DIS3L2: variants seen among roughly 807,000 people sequenced by gnomAD.
The protein encoded by DIS3L2 is DIS3-like exonuclease 2.
In DIS3L2, 34 loss-of-function variants were observed where a neutral mutation model predicts 97.5. The observed-to-expected ratio is 0.35, with a 90% confidence interval of 0.27 to 0.46. The LOEUF is 0.46. Among genes scored for constraint, DIS3L2 ranks in the 20% least tolerant of loss-of-function variants. DIS3L2 has a pLI of 1.00. For missense variants in DIS3L2, 1,038 were observed against 1,146.0 expected (o/e 0.91, Z 1.36); for synonymous variants, 435 against 445.2 (o/e 0.98, Z 0.29).
intron 5 of DIS3L2, among the ~76,000 whole-genome samples, chr2:232,050,924 G>A (rs1695382480): frequency 6.6e-6 from 1 of 152,210 alleles, no homozygotes; most frequent in South Asian, 2.1e-4. Context: ...CAATGGCTCT[G>A]CCTAAGGGAA....
chr2:232,039,212 C>T (rs990914071), intron 5 of DIS3L2, among the ~76,000 whole-genome samples: 8 of 152,282 alleles, frequency 5.3e-5, no homozygotes, highest in African/African-American at 1.9e-4. Flanking sequence ...CTTAGCCCAC[C>T]TGTGATAGTT....
intron 20 of DIS3L2, 199 bp downstream of exon 20, chr2:232,336,073 G>T: frequency 1.3e-6 from 2 of 1,537,412 alleles, no homozygotes; most frequent in South Asian, 1.2e-5. Flanking sequence ...CCCTTCCTTG[G>T]GGGCAACCAC....
chr2:232,317,854 A>C (rs1278065547), intron 14 of DIS3L2, among the ~76,000 whole-genome samples: 1 of 152,240 alleles, frequency 6.6e-6, no homozygotes. Context: ...ATAGTTAACA[A>C]TAGGTCAGAG....
At chr2:232,330,846 G>A (rs1452668199) in intron 16 of DIS3L2, 70 bp downstream of exon 16, 7 of 1,461,884 alleles carry the variant, frequency 4.8e-6, no homozygotes, top group Admixed American at 1.7e-5. Context: ...TGACCTCCAC[G>A]TGCAAGCACA....
At chr2:232,208,819 G>A (rs1692105099) in intron 9 of DIS3L2, among the ~76,000 whole-genome samples, 1 of 152,026 alleles carries the variant, frequency 6.6e-6, no homozygotes, top group African/African-American at 2.4e-5. Context: ...CTTGAAGCCA[G>A]GAGTTTGAGA....
intron 1 of DIS3L2, among the ~76,000 whole-genome samples, chr2:231,969,952 T>C (rs1348899880): frequency 6.7e-6 from 1 of 149,114 alleles, no homozygotes; most frequent in Non-Finnish European, 1.5e-5. Context: ...GATCATATGA[T>C]TTTTTTTTTT....
intron 14 of DIS3L2, among the ~76,000 whole-genome samples, chr2:232,310,013 T>G (rs1165768295): frequency 6.6e-6 from 1 of 152,166 alleles, no homozygotes; most frequent in Non-Finnish European, 1.5e-5. Flanking sequence ...TCTGACAACT[T>G]CAAACCAGCA....
chr2:232,309,912 G>T (rs114809542), intron 14 of DIS3L2, among the ~76,000 whole-genome samples: 12 of 152,336 alleles, frequency 7.9e-5, no homozygotes, highest in African/African-American at 2.9e-4. Context: ...GGGTGTTCCT[G>T]GATGAAGTCC....
At chr2:232,176,224 A>G (rs1691147722) in intron 9 of DIS3L2, among the ~76,000 whole-genome samples, 1 of 152,166 alleles carries the variant, frequency 6.6e-6, no homozygotes, top group Non-Finnish European at 1.5e-5. Flanking sequence ...CATCTTGGTT[A>G]TCTAATTTCT....
intron 12 of DIS3L2, among the ~76,000 whole-genome samples, chr2:232,258,818 T>A (rs1478745866): frequency 6.6e-6 from 1 of 152,184 alleles, no homozygotes; most frequent in African/African-American, 2.4e-5. Context: ...CTGCCTTACA[T>A]ACTGTGAGGT....
At position 232,144,790 on chromosome 2, in the gene DIS3L2, G is replaced by A. The variant is rs115420761; in HGVS notation, c.950+8071G>A. ...TTCTTACTCTTTACTTGTCCTTCAC[G>A]AACTTTACACTTTTAAAGAGTACTG... is the stretch of plus-strand genomic sequence containing the variant. On this transcript the variant is annotated intron_variant, in intron 8 of 20. Transcript: ENST00000325385. Among the ~76,000 whole-genome samples the A allele has an allele frequency of 2.9e-3, 442 of 152,166 alleles. 1 individual carries two copies. Among genetic ancestry groups the A allele is most frequent in the Non-Finnish European group, 4.9e-3 (330 of 67,988 alleles).
intron 1 of DIS3L2, among the ~76,000 whole-genome samples, chr2:232,001,557 C>CTTTTTTTTTTTTTTTTTTTTTTTTTTTT (rs57766848): frequency 1.6e-5 from 1 of 61,920 alleles, no homozygotes; most frequent in African/African-American, 8.7e-5. Context: ...TGCCATTTGT[C>CTTTTTTTTTTTTTTTTTTTTTTTTTTTT]TTTTTTTTTT....
intron 5 of DIS3L2, among the ~76,000 whole-genome samples, chr2:232,033,258 G>T (rs189380179): frequency 1.3e-5 from 2 of 151,738 alleles, no homozygotes; most frequent in African/African-American, 4.8e-5. Context: ...ATGGGAGTTT[G>T]CTCATGATTT....
intron 9 of DIS3L2, among the ~76,000 whole-genome samples, chr2:232,187,197 A>G (rs901088126): frequency 6.2e-4 from 95 of 152,284 alleles, no homozygotes; most frequent in African/African-American, 2.2e-3. Context: ...AATCAAAACC[A>G]CAATGAGATA....
exon 14 of DIS3L2, chr2:232,343,772 G>A: frequency 1.7e-6 from 1 of 591,390 alleles, no homozygotes; most frequent in Non-Finnish European, 3.0e-6. Context: ...CAGCCTTGCA[G>A]AGGTTTGCAG....
intron 13 of DIS3L2, among the ~76,000 whole-genome samples, chr2:232,285,710 C>T (rs1694410694): frequency 6.6e-6 from 1 of 152,182 alleles, no homozygotes. Context: ...AGGTCAGTTA[C>T]TTAACCTCCC....
chr2:232,159,133 A>T (rs1690579794), intron 8 of DIS3L2, among the ~76,000 whole-genome samples: 1 of 152,172 alleles, frequency 6.6e-6, no homozygotes. Flanking sequence ...TGGGAAAGGA[A>T]TTTATTGGGA....
chr2:232,033,313 A>G (rs1339196432), intron 5 of DIS3L2, among the ~76,000 whole-genome samples: 2 of 152,196 alleles, frequency 1.3e-5, no homozygotes, highest in Admixed American at 6.5e-5. Context: ...ATTTTTGCAC[A>G]TTAATTTTGT....
At chr2:232,093,427 TCTC>T (rs768776919) in intron 6 of DIS3L2, among the ~76,000 whole-genome samples, 12 of 152,140 alleles carry the variant, frequency 7.9e-5, no homozygotes, top group Admixed American at 1.3e-4. Flanking sequence ...AGTATTCCCT[TCTC>T]CTCTGTTTTT....
Sources: allele counts gnomAD v4.1 joint callset (sites outside exome capture counted in the v4.1 genomes callset), GRCh38; gene constraint gnomAD v4.1.1; transcripts MANE v1.5; gene names NCBI Gene and HGNC (gene_info 2026-07-23, HGNC 2026-07-21).